The following SENP5 variants were observed in gnomAD, a reference collection of about 807,000 sequenced individuals.
SENP5 encodes sentrin-specific protease 5.
SENP5 carries 21 observed loss-of-function variants against 74.2 expected under a neutral mutation model. The observed-to-expected ratio is 0.28, with a 90% CI of 0.20 to 0.41. The LOEUF is 0.41. Ranked by LOEUF, SENP5 falls within the 10% of genes least tolerant of loss-of-function variation. The probability of loss-of-function intolerance (pLI) is 1.00; values close to 1 mark genes in which losing one functional copy is unlikely to be tolerated. For synonymous variants in SENP5, 311 were observed against 312.7 expected, an observed-to-expected ratio of 0.99 and a Z score of 0.06; for missense variants, 717 against 889.1, an observed-to-expected ratio of 0.81 and a Z score of 2.46.
intron 1 of SENP5, among the ~76,000 whole-genome samples, chr3:196,872,971 G>C (rs949312284): frequency 1.3e-5 from 2 of 151,568 alleles, no homozygotes; most frequent in African/African-American, 4.8e-5. Context: ...TATTTTTAGC[G>C]TCATATTCAT....
intron 6 of SENP5, among the ~76,000 whole-genome samples, chr3:196,918,308 A>AG (rs1715469230): frequency 6.6e-6 from 1 of 151,114 alleles, no homozygotes; most frequent in African/African-American, 2.4e-5. Context: ...CTCTGTCAAA[A>AG]AAAAAAAAAA....
chr3:196,906,171 G>T (rs1052624100), intron 6 of SENP5, among the ~76,000 whole-genome samples: 2 of 152,020 alleles, frequency 1.3e-5, no homozygotes, highest in African/African-American at 4.8e-5. Flanking sequence ...TGTGAGCCGA[G>T]ATTGCACCAC....
At position 196,886,436 on chromosome 3, in the gene SENP5, G is replaced by C; in HGVS notation, c.1255G>C (p.Asp419His). 6.2e-7 allele frequency: 1 copy of C among 1,610,802 alleles called. No homozygotes were observed. The highest frequency in any genetic ancestry group is 8.5e-7 in the Non-Finnish European group (1 of 1,177,900). Residue 419 changes from aspartate (D) to histidine (H), a missense_variant, in exon 2 of 10, where the codon GAT becomes CAT. This residue lies in a region of SENP5 where 567 missense variants were observed against 577.4 expected (regional missense o/e 0.98). Transcript: ENST00000323460. ...AGTAAAACTGTCAGTGTCTGGAGCA[G>C]ATACATCTGTGAGTAGCGTAGATGG... ...DRVKLSVSGADTSVSSVDGPV... is the reference protein window; with the variant it reads ...DRVKLSVSGAHTSVSSVDGPV...
intron 2 of SENP5, among the ~76,000 whole-genome samples, chr3:196,889,640 C>T (rs1337982131): frequency 1.3e-5 from 2 of 152,168 alleles, no homozygotes; most frequent in African/African-American, 4.8e-5. Flanking sequence ...GAAGTAAGCT[C>T]ATGGACTCTC....
At chr3:196,908,555 G>A (rs1279580761) in intron 6 of SENP5, among the ~76,000 whole-genome samples, 4 of 152,216 alleles carry the variant, frequency 2.6e-5, no homozygotes, top group Non-Finnish European at 4.4e-5. Context: ...TGGGCGTGGT[G>A]ACTCATGCCT....
At chr3:196,888,592 AAG>A (rs1553820665) in intron 2 of SENP5, among the ~76,000 whole-genome samples, 1 of 150,886 alleles carries the variant, frequency 6.6e-6, no homozygotes, top group African/African-American at 2.4e-5. Context: ...ACAAAAAAAA[AAG>A]AAAGAAAAAA....
chr3:196,889,568 C>T (rs1714117243), intron 2 of SENP5, among the ~76,000 whole-genome samples: 1 of 152,154 alleles, frequency 6.6e-6, no homozygotes. Flanking sequence ...ATAAAGGAAG[C>T]TTCCTTGAAT....
chr3:196,892,788 TGTAA>T (rs1484215512), intron 2 of SENP5, among the ~76,000 whole-genome samples: 1 of 152,164 alleles, frequency 6.6e-6, no homozygotes, highest in African/African-American at 2.4e-5. Context: ...AGATTCCACA[TGTAA>T]GTGAGATCAT....
chr3:196,907,751 C>CA (rs905764067), intron 6 of SENP5, among the ~76,000 whole-genome samples: 10 of 151,522 alleles, frequency 6.6e-5, no homozygotes, highest in East Asian at 3.9e-4. Flanking sequence ...TGAGCTAAAA[C>CA]AAAAAAAATT....
rs919917172 is a variant in SENP5 at position 196,880,281 on chromosome 3, A to C, written c.-31-4870A>C. Among the ~76,000 whole-genome samples, 4 of 151,632 alleles carry C rather than the reference A, an allele frequency of 2.6e-5. No individual in the cohort carries two copies. The South Asian group carries it at 8.4e-4, about 32-fold the overall frequency. On this transcript the variant is annotated intron_variant, in intron 1 of 9. Coordinates refer to ENST00000323460, the MANE Select transcript of SENP5 (RefSeq NM_152699.5). The stretch of plus-strand genomic sequence containing the variant: ...TTTTTTAAGGAGACAGAGTCTTGCT[A>C]TGTTGCCCAGGCTGATCTTGAACTC...
intron 6 of SENP5, among the ~76,000 whole-genome samples, chr3:196,907,661 T>G (rs1714959963): frequency 6.6e-6 from 1 of 152,148 alleles, no homozygotes; most frequent in Non-Finnish European, 1.5e-5. Flanking sequence ...GTCCAATCTT[T>G]TGGCTTCCCT....
intron 2 of SENP5, among the ~76,000 whole-genome samples, chr3:196,887,449 G>A (rs1714021670): frequency 6.6e-6 from 1 of 151,604 alleles, no homozygotes. Flanking sequence ...CAAAATGCTG[G>A]GATTACAGGC....
chr3:196,891,957 A>T (rs1714222105), intron 2 of SENP5, among the ~76,000 whole-genome samples: 2 of 150,034 alleles, frequency 1.3e-5, no homozygotes, highest in South Asian at 4.2e-4. Context: ...CGCCCGGCTA[A>T]TTTTTTGTAT....
At position 196,914,564 on chromosome 3, in the gene SENP5, T is replaced by TAAAAAAAAAAAAAA. The variant is rs34724979; in HGVS notation, c.1885-8840_1885-8827dup. The TAAAAAAAAAAAAAA allele has an allele frequency of 6.5e-4, 17 of 26,342 alleles. 2 individuals carry two copies. Among genetic ancestry groups the TAAAAAAAAAAAAAA allele is most frequent in the Admixed American group, 9.7e-4 (2 of 2,072 alleles). The allele number at this position is 26,342 out of a possible 1,614,324, so 1.6% of individuals were successfully genotyped here. A position where few individuals can be genotyped will look rare whatever the true frequency, so the allele number is the denominator to read the frequency against. On this transcript the variant is annotated intron_variant, in intron 6 of 9. Coordinates refer to ENST00000323460, the MANE Select transcript of SENP5 (RefSeq NM_152699.5). ...ATTACTTGAGCCCAGAGGTTTGCTT[T>TAAAAAAAAAAAAAA]AAAAAAAAAAAAAAAAAAAAAAATA...
Position 196,885,809 on chromosome 3 carries a change from G to T in SENP5, c.628G>T (p.Gly210Ter). ...CQGPEHHRNG[G>*]PLIPKKFQLN... ...AGGGCCGGAGCACCACAGGAATGGGGGACCCTTGATTCCAAAAAAGTTCCA... is the reference window on the plus strand; with the variant it reads ...AGGGCCGGAGCACCACAGGAATGGGTGACCCTTGATTCCAAAAAAGTTCCA... Residue 210 changes from glycine (G) to a stop codon, truncating the protein, a stop_gained, in exon 2 of 10, where the codon GGA (glycine) becomes TGA (stop). Transcript: ENST00000323460. LOFTEE classifies it high-confidence loss of function. 1.2e-6 allele frequency: 2 copies of T among 1,614,166 alleles called. No homozygotes were observed. Among genetic ancestry groups the T allele is most frequent in the Middle Eastern group, 1.6e-4 (1 of 6,062 alleles).
At chr3:196,868,955 G>A (rs1207657140) in intron 1 of SENP5, among the ~76,000 whole-genome samples, 1 of 151,054 alleles carries the variant, frequency 6.6e-6, no homozygotes, top group Non-Finnish European at 1.5e-5. Context: ...CCAGGCGCTC[G>A]TGTGGTCAGA....
chr3:196,881,673 A>G (rs1165279324), intron 1 of SENP5, among the ~76,000 whole-genome samples: 4 of 151,700 alleles, frequency 2.6e-5, no homozygotes, highest in East Asian at 3.9e-4. Context: ...TTTATGATAC[A>G]TGTTGCAAAT....
Position 196,900,365 on chromosome 3 carries a change from G to A in SENP5, c.1759G>A (p.Val587Ile). 8 of 1,604,418 alleles carry A rather than the reference G, an allele frequency of 5.0e-6. No individual in the cohort carries two copies. The highest frequency in any genetic ancestry group is 6.8e-6 in the Non-Finnish European group (8 of 1,176,950). ...CTGGTTTTATGTTGACTTTTTATAGGTCATTAATATGTATGGTGAGCTGAT... is the reference window on the plus strand; with the variant it reads ...CTGGTTTTATGTTGACTTTTTATAGATCATTAATATGTATGGTGAGCTGAT... ...LDGQNWLNDQVINMYGELIMD... is the reference protein window; with the variant it reads ...LDGQNWLNDQIINMYGELIMD... Residue 587 changes from valine to isoleucine, a missense_variant and splice_region_variant, in exon 5 of 10, where the codon GTC becomes ATC. Val to Ile is a conservative substitution (Grantham distance 29, BLOSUM62 3). Around this residue, in one of 4 missense-constraint regions of SENP5, gnomAD observed 1 missense variants for 22.1 expected, o/e 0.05. Coordinates refer to ENST00000323460, the MANE Select transcript of SENP5 (RefSeq NM_152699.5).
At position 196,886,521 on chromosome 3, in the gene SENP5, C is replaced by A. The variant is rs202085742; in HGVS notation, c.1340C>A (p.Ser447Tyr). The change falls in exon 2 of 10, where the codon TCT becomes TAT. Residue 447 changes from serine (S) to tyrosine (Y), a missense_variant. Ser to Tyr is a moderately radical substitution (Grantham distance 144). Coordinates refer to ENST00000323460, the MANE Select transcript of SENP5 (RefSeq NM_152699.5). ...TCATACCAGATGGAGGAGGATGGAT[C>A]TCTCAAGCAGAGCATTCTTAGTTCT... is the stretch of plus-strand genomic sequence containing the variant. ...ENSYQMEEDGSLKQSILSSEL... is the reference protein window; with the variant it reads ...ENSYQMEEDGYLKQSILSSEL... The A allele has an allele frequency of 1.9e-3, 3,076 of 1,613,552 alleles. 71 individuals are homozygous for A. In the South Asian group the frequency reaches 0.032, roughly 17 times the overall value.
Sources: gnomAD v4.1 joint callset for allele counts (sites outside exome capture counted in the v4.1 genomes callset) on GRCh38, gnomAD v4.1.1 for gene constraint, gnomAD v4.1.1 regional missense constraint, MANE v1.5 for transcripts, NCBI Gene and HGNC (gene_info 2026-07-23, HGNC 2026-07-21) for gene names.